Variants in SAXO2 observed in about 807,000 individuals in gnomAD.
SAXO2 encodes stabilizer of axonemal microtubules 2.
Under a neutral mutation model 18.7 loss-of-function variants are expected in SAXO2, and 17 were observed. The observed-to-expected ratio is 0.91, with a 90% CI of 0.62 to 1.36. The LOEUF (loss-of-function observed/expected upper bound fraction) is 1.36. SAXO2 is among the 40% of genes most tolerant of loss of function. The pLI is 0.00. For synonymous variants in SAXO2, 163 were observed against 181.2 expected (o/e 0.90, Z 0.81); for missense variants, 486 against 562.6 (o/e 0.86, Z 1.38).
At chr15:82,265,460 TA>T in intron 1 of SAXO2, 108 bp from the exon 2 acceptor site, 1 of 902,498 alleles carries the variant, frequency 1.1e-6, no homozygotes, top group Non-Finnish European at 1.5e-6. Context: ...GGTTTTTTAG[TA>T]AAGCTCTAGA....
intron 3 of SAXO2, among the ~76,000 whole-genome samples, chr15:82,277,778 A>C (rs990211382): frequency 2.3e-4 from 35 of 152,244 alleles, no homozygotes; most frequent in African/African-American, 8.2e-4. Flanking sequence ...TAGCTGTTAC[A>C]CAAGTGAATA....
intron 3 of SAXO2, among the ~76,000 whole-genome samples, chr15:82,272,955 G>C (rs1293474787): frequency 6.6e-6 from 1 of 151,840 alleles, no homozygotes; most frequent in Admixed American, 6.6e-5. Context: ...GCCCAGGCTG[G>C]AGTATAGTGG....
chr15:82,272,133 T>G, intron 3 of SAXO2: 1 of 232,908 alleles, frequency 4.3e-6, no homozygotes, highest in South Asian at 9.0e-5. Flanking sequence ...CATTGTTCTT[T>G]TCTTCCCATC....
intron 2 of SAXO2, among the ~76,000 whole-genome samples, chr15:82,267,736 C>G (rs1228396130): frequency 6.6e-6 from 1 of 152,088 alleles, no homozygotes; most frequent in Non-Finnish European, 1.5e-5. Flanking sequence ...TTTGGTGACT[C>G]TAGTTACTAG....
intron 3 of SAXO2, among the ~76,000 whole-genome samples, chr15:82,280,553 G>T (rs535822943): frequency 6.6e-6 from 1 of 152,130 alleles, no homozygotes; most frequent in Non-Finnish European, 1.5e-5. Context: ...GCTATCAGGT[G>T]CCCAGGGAGC....
rs139892263 is a variant in SAXO2, at chr15:82,282,429, T to G, written c.744T>G (p.Phe248Leu). 6.3e-5 allele frequency: 102 copies of G among 1,613,992 alleles called. No homozygotes were observed. The African/African-American group carries it at 1.1e-3, about 18-fold the overall frequency. ...FEDLTTHRCD[F>L]QGLIGETAKL... ...ATCTCACAACTCACCGGTGTGACTT[T>G]CAGGGTCTCATTGGTGAAACTGCAA... The change falls in exon 4 of 4, where the codon TTT (phenylalanine) becomes TTG (leucine). Residue 248 changes from phenylalanine (F) to leucine (L), a missense_variant. Phe to Leu is a conservative substitution (Grantham distance 22). Coordinates refer to ENST00000682753, the MANE Select transcript of SAXO2 (RefSeq NM_001348699.2).
chr15:82,274,362 C>G (rs933175716), intron 3 of SAXO2, among the ~76,000 whole-genome samples: 2 of 152,040 alleles, frequency 1.3e-5, no homozygotes, highest in Non-Finnish European at 1.5e-5. Context: ...CTTCCACACT[C>G]TGTATGAATG....
Position 82,273,335 on chromosome 15 carries a change from G to A in SAXO2, c.433+1533G>A, listed in dbSNP as rs547046271. ...TTTCCATTGGTTATGTAAAATAGCT[G>A]AATGGATATGTCCTAATATAAAACA... On this transcript the variant is annotated intron_variant, in intron 3 of 3. Transcript: ENST00000682753. Among the ~76,000 whole-genome samples the A allele has an allele frequency of 7.2e-5, 11 of 152,238 alleles. No homozygotes were observed. In the East Asian group the frequency reaches 2.1e-3, roughly 29 times the overall value.
At chr15:82,263,593 C>A (rs1450594934) in intron 1 of SAXO2, among the ~76,000 whole-genome samples, 2 of 152,122 alleles carry the variant, frequency 1.3e-5, no homozygotes, top group Non-Finnish European at 2.9e-5. Flanking sequence ...GTTGTCAATC[C>A]CTGGTGTATT....
At chr15:82,277,710 C>T (rs2075327448) in intron 3 of SAXO2, among the ~76,000 whole-genome samples, 1 of 152,204 alleles carries the variant, frequency 6.6e-6, no homozygotes, top group African/African-American at 2.4e-5. Flanking sequence ...ACAACTTCCA[C>T]CCAGTTGAGA....
rs538721081 is a variant in SAXO2, at chr15:82,276,121, T to G, written c.433+4319T>G. The stretch of plus-strand genomic sequence containing the variant: ...ACACCAATAATCTTCAAGCTGAGAA[T>G]CAAATCAAGAACATAATCCCATTTA... On this transcript the variant is annotated intron_variant, in intron 3 of 3. Coordinates refer to ENST00000682753, the MANE Select transcript of SAXO2 (RefSeq NM_001348699.2). Among the ~76,000 whole-genome samples the G allele has an allele frequency of 2.6e-5, 4 of 152,188 alleles. No individual in the cohort carries two copies. In the East Asian group the frequency reaches 7.7e-4, roughly 29 times the overall value.
At chr15:82,266,992 ATTATT>A (rs1290416910) in intron 2 of SAXO2, among the ~76,000 whole-genome samples, 2 of 152,200 alleles carry the variant, frequency 1.3e-5, no homozygotes, top group African/African-American at 2.4e-5. Context: ...ACATTTACTC[ATTATT>A]TTATTTAAAC....
chr15:82,277,640 A>ATGAATCCTT (rs1469123060), intron 3 of SAXO2, among the ~76,000 whole-genome samples: 1 of 152,216 alleles, frequency 6.6e-6, no homozygotes, highest in African/African-American at 2.4e-5. Context: ...ATAAATGTTT[A>ATGAATCCTT]TGAATCCTTT....
chr15:82,264,606 T>C (rs2075194712), intron 1 of SAXO2: 1 of 701,962 alleles, frequency 1.4e-6, no homozygotes, highest in Non-Finnish European at 2.6e-6. Context: ...GGAGTATATA[T>C]ATAGTTCACT....
chr15:82,278,899 T>C (rs1386736434), intron 3 of SAXO2, among the ~76,000 whole-genome samples: 1 of 152,190 alleles, frequency 6.6e-6, no homozygotes, highest in Non-Finnish European at 1.5e-5. Context: ...GAGAGATGCA[T>C]CTAAAGCAAT....
At chr15:82,267,139 A>G (rs1473703157) in intron 2 of SAXO2, among the ~76,000 whole-genome samples, 1 of 152,212 alleles carries the variant, frequency 6.6e-6, no homozygotes, top group African/African-American at 2.4e-5. Context: ...TTGAGGGTGC[A>G]TGCCAGTGAC....
At chr15:82,278,355 C>G (rs1156903590) in intron 3 of SAXO2, among the ~76,000 whole-genome samples, 5 of 152,214 alleles carry the variant, frequency 3.3e-5, no homozygotes, top group Admixed American at 2.6e-4. Context: ...GAAACCACCA[C>G]ACACCCGCTT....
intron 3 of SAXO2, among the ~76,000 whole-genome samples, chr15:82,279,599 A>G (rs1220878167): frequency 8.5e-5 from 13 of 152,168 alleles, no homozygotes; most frequent in Non-Finnish European, 1.9e-4. Flanking sequence ...CAAGTTTGGG[A>G]GTCACCACCT....
chr15:82,267,217 T>C (rs11854483), intron 2 of SAXO2, among the ~76,000 whole-genome samples: 58,372 of 152,038 alleles, frequency 0.38, 11,562 homozygotes, highest in South Asian at 0.48. Context: ...TTATACATTT[T>C]AGGGACACAC....
Sources: allele counts gnomAD v4.1 joint callset (sites outside exome capture counted in the v4.1 genomes callset), GRCh38; gene constraint gnomAD v4.1.1; transcripts MANE v1.5; gene names NCBI Gene and HGNC (gene_info 2026-07-23, HGNC 2026-07-21).